The following HECW2 variants were observed in gnomAD, a reference collection of about 807,000 sequenced individuals.
HECW2 encodes HECT, C2 and WW domain containing E3 ubiquitin protein ligase 2, also known as E3 ubiquitin-protein ligase HECW2.
A neutral mutation model predicts 175.2 loss-of-function variants in HECW2; 61 were observed. That is an observed-to-expected ratio of 0.35 (90% CI 0.28 to 0.43). The LOEUF (loss-of-function observed/expected upper bound fraction) is 0.43. Ranked by LOEUF, HECW2 falls within the 20% of genes least tolerant of loss-of-function variation. HECW2 has a pLI of 1.00. For missense variants in HECW2, 1,524 were observed against 2,000.5 expected (o/e 0.76, Z 4.54); for synonymous variants, 671 against 731.0 (o/e 0.92, Z 1.32).
intron 1 of HECW2, among the ~76,000 whole-genome samples, chr2:196,543,981 G>A (rs1198375778): frequency 1.3e-5 from 2 of 152,170 alleles, no homozygotes; most frequent in East Asian, 3.8e-4. Context: ...AGCATTCTCA[G>A]GGCATTCAGT....
intron 21 of HECW2, 51 bp from the exon 22 acceptor site, chr2:196,228,305 T>C: frequency 1.3e-6 from 2 of 1,541,736 alleles, no homozygotes; most frequent in Non-Finnish European, 1.7e-6. Flanking sequence ...TTTCTAGATA[T>C]TGGGCAGTTT....
chr2:196,538,972 C>T (rs1173906021), intron 1 of HECW2, among the ~76,000 whole-genome samples: 1 of 152,160 alleles, frequency 6.6e-6, no homozygotes, highest in Non-Finnish European at 1.5e-5. Context: ...AAAAAAGACA[C>T]CAAGTGCTTC....
chr2:196,445,775 A>C (rs900530212), intron 1 of HECW2, among the ~76,000 whole-genome samples: 2 of 152,214 alleles, frequency 1.3e-5, no homozygotes, highest in Non-Finnish European at 2.9e-5. Flanking sequence ...CATGGCATGC[A>C]TTTTAGGCCA....
chr2:196,281,634 A>AC (rs1690189337), intron 14 of HECW2, among the ~76,000 whole-genome samples: 1 of 66,832 alleles, frequency 1.5e-5, no homozygotes, highest in South Asian at 6.5e-4. Context: ...ACAGAGTGAG[A>AC]CCCCGTCTCA....
intron 18 of HECW2, among the ~76,000 whole-genome samples, chr2:196,254,628 T>C (rs948483093): frequency 2.0e-5 from 3 of 152,360 alleles, no homozygotes; most frequent in Non-Finnish European, 2.9e-5. Context: ...CTGTTTCTGA[T>C]ATTCTCCTAA....
chr2:196,478,985 T>C (rs374789208), intron 1 of HECW2, among the ~76,000 whole-genome samples: 1 of 152,324 alleles, frequency 6.6e-6, no homozygotes, highest in East Asian at 1.9e-4. Context: ...ACAGCCAATG[T>C]GAGGGCCAAC....
chr2:196,370,649 C>T (rs13010229), intron 2 of HECW2, among the ~76,000 whole-genome samples: 1 of 152,076 alleles, frequency 6.6e-6, no homozygotes. Flanking sequence ...TTATTTACAA[C>T]CCCAGAGCAA....
intron 1 of HECW2, among the ~76,000 whole-genome samples, chr2:196,459,885 C>T (rs537574947): frequency 1.3e-5 from 2 of 152,216 alleles, no homozygotes; most frequent in South Asian, 4.1e-4. Context: ...ACCATGGGTC[C>T]CCTGGTGAAG....
chr2:196,215,396 T>C (rs1193785132), intron 28 of HECW2, among the ~76,000 whole-genome samples: 2 of 152,218 alleles, frequency 1.3e-5, no homozygotes, highest in African/African-American at 2.4e-5. Flanking sequence ...AATCTTACTA[T>C]GAATGAGAAT....
chr2:196,279,360 C>A (rs1056283811), intron 14 of HECW2, among the ~76,000 whole-genome samples: 1 of 152,118 alleles, frequency 6.6e-6, no homozygotes, highest in Non-Finnish European at 1.5e-5. Context: ...AACTTTTAAA[C>A]ATCATTGACT....
chr2:196,258,622 C>G (rs1460697497), intron 17 of HECW2, among the ~76,000 whole-genome samples: 2 of 152,044 alleles, frequency 1.3e-5, no homozygotes. Flanking sequence ...GATGAGTCAT[C>G]ATCATGTCAC....
At chr2:196,525,598 T>C (rs879615936) in intron 1 of HECW2, among the ~76,000 whole-genome samples, 17,562 of 136,280 alleles carry the variant, frequency 0.13, 1,493 homozygotes, top group African/African-American at 0.32. Context: ...TTTGGCATGA[T>C]TTTGCAGCGG....
At chr2:196,573,113 A>G (rs1162332143) in intron 1 of HECW2, among the ~76,000 whole-genome samples, 2 of 152,218 alleles carry the variant, frequency 1.3e-5, no homozygotes, top group African/African-American at 4.8e-5. Context: ...GATCTAAAAA[A>G]GAAAACAATC....
intron 1 of HECW2, among the ~76,000 whole-genome samples, chr2:196,480,794 C>G (rs1489798858): frequency 6.6e-6 from 1 of 152,196 alleles, no homozygotes; most frequent in Non-Finnish European, 1.5e-5. Flanking sequence ...CTACACCATC[C>G]TTTCTATTGT....
At chr2:196,246,230 C>A (rs1688637160) in intron 19 of HECW2, among the ~76,000 whole-genome samples, 1 of 152,160 alleles carries the variant, frequency 6.6e-6, no homozygotes, top group African/African-American at 2.4e-5. Context: ...GTGGCACAAT[C>A]AGTGTCAGTG....
At chr2:196,374,007 G>T (rs958552856) in intron 2 of HECW2, among the ~76,000 whole-genome samples, 1 of 150,888 alleles carries the variant, frequency 6.6e-6, no homozygotes, top group Non-Finnish European at 1.5e-5. Context: ...ACTCCAGCCT[G>T]GGCGACAGAG....
intron 19 of HECW2, among the ~76,000 whole-genome samples, chr2:196,244,789 C>T (rs1688588277): frequency 6.6e-6 from 1 of 152,142 alleles, no homozygotes; most frequent in Non-Finnish European, 1.5e-5. Flanking sequence ...GAGAACCAAG[C>T]TAGCCTAGAG....
At chr2:196,285,696 C>G (rs1690361104) in intron 14 of HECW2, among the ~76,000 whole-genome samples, 1 of 152,160 alleles carries the variant, frequency 6.6e-6, no homozygotes, top group South Asian at 2.1e-4. Context: ...TAGACAGACT[C>G]TTTGTCACAA....
chr2:196,331,262 A>G (rs939650055), intron 4 of HECW2: 1 of 984,894 alleles, frequency 1.0e-6, no homozygotes. Flanking sequence ...GGTTTATTAT[A>G]TTGTATTGTA....
Sources: gnomAD v4.1 joint callset for allele counts (sites outside exome capture counted in the v4.1 genomes callset) on GRCh38, gnomAD v4.1.1 for gene constraint, MANE v1.5 for transcripts, NCBI Gene and HGNC (gene_info 2026-07-23, HGNC 2026-07-21) for gene names.